SPIDR: variants seen among roughly 807,000 people sequenced by gnomAD.
The protein encoded by SPIDR is scaffold protein involved in DNA repair.
In SPIDR, 93 loss-of-function variants were observed where a neutral mutation model predicts 104.6. That is an observed-to-expected ratio of 0.89 (90% confidence interval 0.75 to 1.06). The LOEUF is 1.06. SPIDR is among the 50% of genes least tolerant of loss of function. The pLI is 0.00. For missense variants in SPIDR, 1,154 were observed against 1,111.2 expected, an observed-to-expected ratio of 1.04 and a Z score of -0.55; for synonymous variants, 431 against 416.9, an observed-to-expected ratio of 1.03 and a Z score of -0.41.
intron 10 of SPIDR, among the ~76,000 whole-genome samples, chr8:47,671,585 AAAATAAAT>A (rs60133278): frequency 1.4e-3 from 194 of 142,776 alleles, no homozygotes; most frequent in African/African-American, 3.8e-3. Flanking sequence ...ACTCCATCTC[AAAATAAAT>A]AAATAAATAA....
chr8:47,567,093 C>T (rs1214674195), intron 8 of SPIDR, among the ~76,000 whole-genome samples: 2 of 151,954 alleles, frequency 1.3e-5, no homozygotes, highest in Non-Finnish European at 2.9e-5. Context: ...TAAGTAATCA[C>T]AGTATAAGAT....
At chr8:47,265,248 G>A (rs184053359) in intron 1 of SPIDR, among the ~76,000 whole-genome samples, 189 of 150,688 alleles carry the variant, frequency 1.3e-3, no homozygotes, top group Admixed American at 1.7e-3. Flanking sequence ...GGGGTGCAGG[G>A]GTGCTATCAT....
intron 5 of SPIDR, among the ~76,000 whole-genome samples, chr8:47,324,308 C>T (rs1244461388): frequency 3.9e-5 from 6 of 152,094 alleles, no homozygotes; most frequent in African/African-American, 1.4e-4. Flanking sequence ...AATGGCCTTT[C>T]CTTCTTTCCC....
chr8:47,389,516 C>T (rs1173039697), intron 5 of SPIDR, among the ~76,000 whole-genome samples: 1 of 151,606 alleles, frequency 6.6e-6, no homozygotes, highest in Non-Finnish European at 1.5e-5. Flanking sequence ...GGTGAAACCC[C>T]GTCTGTACTA....
chr8:47,712,630 T>C (rs773803309), intron 14 of SPIDR, 32 bp from the exon 15 acceptor site: 4 of 1,591,032 alleles, frequency 2.5e-6, no homozygotes, highest in Non-Finnish European at 2.6e-6. Context: ...TTTGGTATAA[T>C]AATTAATCTT....
intron 1 of SPIDR, among the ~76,000 whole-genome samples, chr8:47,269,638 C>A (rs2034878272): frequency 2.0e-5 from 3 of 151,768 alleles, no homozygotes; most frequent in Non-Finnish European, 1.5e-5. Flanking sequence ...TTTACTACTT[C>A]CAATTTAGAC....
chr8:47,619,080 A>G (rs2064758451), intron 10 of SPIDR, among the ~76,000 whole-genome samples: 1 of 152,374 alleles, frequency 6.6e-6, no homozygotes, highest in African/African-American at 2.4e-5. Context: ...AACTATGTGA[A>G]TGGGTTACCT....
rs201551050 is a variant in SPIDR at position 47,337,323 on chromosome 8, G to T, written c.525+43293G>T. 5.3e-5 allele frequency among the ~76,000 whole-genome samples: 8 copies of T among 152,126 alleles called. No homozygotes were observed. In the East Asian group the frequency reaches 1.2e-3, roughly 22 times the overall value. On this transcript the variant is annotated intron_variant, in intron 5 of 19. Transcript: ENST00000297423. The stretch of plus-strand genomic sequence containing the variant: ...TGTTTAATTTTTTTGTAGAGACAAG[G>T]TTCTGCTGTGTTGCCCAGGCTTGTC...
chr8:47,360,259 A>AG (rs1304201310), intron 5 of SPIDR, among the ~76,000 whole-genome samples: 26 of 149,906 alleles, frequency 1.7e-4, no homozygotes, highest in Non-Finnish European at 2.7e-4. Flanking sequence ...AAAAAAAAAA[A>AG]AAAAAAAAAA....
chr8:47,318,205 A>G (rs972084873), intron 5 of SPIDR, among the ~76,000 whole-genome samples: 11 of 152,306 alleles, frequency 7.2e-5, no homozygotes, highest in Non-Finnish European at 1.6e-4. Flanking sequence ...GAAAAAAACG[A>G]GACAAATGGC....
chr8:47,433,634 A>T (rs1332132267), intron 7 of SPIDR, among the ~76,000 whole-genome samples: 2 of 152,196 alleles, frequency 1.3e-5, no homozygotes, highest in African/African-American at 4.8e-5. Flanking sequence ...TGATCGTAAG[A>T]ATTATTACAG....
chr8:47,462,347 T>C (rs958504047), intron 8 of SPIDR, among the ~76,000 whole-genome samples: 11 of 152,146 alleles, frequency 7.2e-5, no homozygotes, highest in Admixed American at 1.3e-4. Flanking sequence ...TCTGCTTCCT[T>C]CAGAGGGTCT....
At chr8:47,310,840 C>CA (rs782210862) in intron 5 of SPIDR, among the ~76,000 whole-genome samples, 208 of 150,040 alleles carry the variant, frequency 1.4e-3, no homozygotes, top group African/African-American at 2.4e-3. Context: ...ACCTATTAAG[C>CA]AAAAAAAAAC....
At chr8:47,320,501 C>T (rs1344437474) in intron 5 of SPIDR, among the ~76,000 whole-genome samples, 3 of 152,112 alleles carry the variant, frequency 2.0e-5, no homozygotes, top group African/African-American at 7.2e-5. Flanking sequence ...AATTTACAGC[C>T]GAATTCTACC....
At chr8:47,496,475 G>C (rs1433051057) in intron 8 of SPIDR, among the ~76,000 whole-genome samples, 1 of 152,078 alleles carries the variant, frequency 6.6e-6, no homozygotes, top group African/African-American at 2.4e-5. Context: ...TTTTTCTTTA[G>C]TGAGATGATT....
At chr8:47,359,985 G>C (rs782527977) in intron 5 of SPIDR, among the ~76,000 whole-genome samples, 1 of 152,142 alleles carries the variant, frequency 6.6e-6, no homozygotes, top group Non-Finnish European at 1.5e-5. Flanking sequence ...GCTCACGCCT[G>C]TAATCCCAGT....
chr8:47,354,847 T>C (rs2154283765), intron 5 of SPIDR, among the ~76,000 whole-genome samples: 1 of 151,884 alleles, frequency 6.6e-6, no homozygotes, highest in South Asian at 2.1e-4. Flanking sequence ...CTTGCTGTGT[T>C]GCCCAGGCTG....
Position 47,284,031 on chromosome 8 carries a change from T to A in SPIDR, c.193T>A (p.Leu65Ile). Reference sequence around the variant, plus strand: ...ATGATTATTATTTTGCCTACAGTCATTAACAGCTGAAGAGAAGACGATTAC... The same window carrying A: ...ATGATTATTATTTTGCCTACAGTCAATAACAGCTGAAGAGAAGACGATTAC... The part of the protein sequence containing the change: ...GFQNTSGNPS[L>I]TAEEKTITEK... The change falls in exon 3 of 20, where the codon TTA becomes ATA. Residue 65 changes from leucine (L) to isoleucine (I), a missense_variant. Physicochemically the swap from Leu to Ile is conservative, Grantham distance 5. Coordinates refer to ENST00000297423, the MANE Select transcript of SPIDR (RefSeq NM_001080394.4). 1 of 1,609,110 alleles carries A rather than the reference T, an allele frequency of 6.2e-7. No individual in the cohort carries two copies.
intron 11 of SPIDR, 92 bp from the exon 12 acceptor site, chr8:47,700,311 A>AT: frequency 7.8e-7 from 1 of 1,285,864 alleles, no homozygotes; most frequent in Non-Finnish European, 1.1e-6. Flanking sequence ...GGCCTTAGGC[A>AT]TTAGAGTCTG....
Sources: allele counts gnomAD v4.1 joint callset (sites outside exome capture counted in the v4.1 genomes callset), GRCh38; gene constraint gnomAD v4.1.1; transcripts MANE v1.5; gene names NCBI Gene and HGNC (gene_info 2026-07-23, HGNC 2026-07-21).